RARB: variants seen among roughly 807,000 people sequenced by gnomAD.
The protein encoded by RARB is HBV-activated protein.
A neutral mutation model predicts 51.9 loss-of-function variants in RARB; 17 were observed. The observed-to-expected ratio is 0.33, with a 90% CI of 0.22 to 0.49. RARB has a LOEUF of 0.49. Among genes scored for constraint, RARB ranks in the 20% least tolerant of loss-of-function variants. RARB has a pLI of 0.99. For synonymous variants in RARB, 215 were observed against 195.4 expected, an observed-to-expected ratio of 1.10 and a Z score of -0.84; for missense variants, 369 against 550.8, an observed-to-expected ratio of 0.67 and a Z score of 3.30.
At chr3:24,937,172 A>T (rs1030123509) in intron 2 of RARB, among the ~76,000 whole-genome samples, 4 of 152,188 alleles carry the variant, frequency 2.6e-5, no homozygotes, top group Admixed American at 2.6e-4. Context: ...ATTACATGGA[A>T]ACAAAAATTA....
intron 1 of RARB, among the ~76,000 whole-genome samples, chr3:24,845,721 C>T (rs1048476625): frequency 6.6e-6 from 1 of 151,922 alleles, no homozygotes; most frequent in Admixed American, 6.6e-5. Flanking sequence ...CATTCCCTCC[C>T]CCACTTGAGA....
At chr3:25,025,840 T>A (rs1697736093) in intron 2 of RARB, among the ~76,000 whole-genome samples, 1 of 152,260 alleles carries the variant, frequency 6.6e-6, no homozygotes, top group East Asian at 1.9e-4. Context: ...AAGTGTCAGT[T>A]TGCAAAACGC....
intron 5 of RARB, among the ~76,000 whole-genome samples, chr3:25,339,861 A>G (rs74347859): frequency 0.13 from 19,837 of 152,048 alleles, 1,379 homozygotes; most frequent in South Asian, 0.2. Context: ...ATCATCCTCA[A>G]CAGTTTCCAC....
At chr3:25,357,404 G>A (rs776311744) in intron 5 of RARB, among the ~76,000 whole-genome samples, 3 of 152,134 alleles carry the variant, frequency 2.0e-5, no homozygotes, top group Non-Finnish European at 4.4e-5. Flanking sequence ...GTAGATTCTG[G>A]ATATTAGCCC....
chr3:25,130,369 A>T (rs925424464), intron 3 of RARB, among the ~76,000 whole-genome samples: 1 of 152,078 alleles, frequency 6.6e-6, no homozygotes, highest in South Asian at 2.1e-4. Context: ...TCATTAGAAC[A>T]TATGCTGTGT....
At chr3:24,851,674 A>G (rs1167262960) in intron 1 of RARB, among the ~76,000 whole-genome samples, 1 of 152,208 alleles carries the variant, frequency 6.6e-6, no homozygotes, top group Non-Finnish European at 1.5e-5. Context: ...GATGGTAGAA[A>G]ATGATTTAGT....
intron 4 of RARB, among the ~76,000 whole-genome samples, chr3:25,133,992 A>G (rs1256708642): frequency 1.3e-5 from 2 of 148,580 alleles, no homozygotes; most frequent in Non-Finnish European, 3.0e-5. Context: ...GACATTTGCC[A>G]TGATTTAAAA....
intron 5 of RARB, among the ~76,000 whole-genome samples, chr3:25,326,032 T>G (rs1704707203): frequency 6.6e-6 from 1 of 152,090 alleles, no homozygotes; most frequent in Admixed American, 6.6e-5. Flanking sequence ...ATAAGGAGAT[T>G]TATTGAGGAA....
At chr3:25,019,755 A>C (rs1559435994) in intron 2 of RARB, among the ~76,000 whole-genome samples, 1 of 152,152 alleles carries the variant, frequency 6.6e-6, no homozygotes, top group Non-Finnish European at 1.5e-5. Context: ...CTACTTAGGA[A>C]GATAAACAAC....
chr3:25,353,230 A>C (rs544024309), intron 5 of RARB, among the ~76,000 whole-genome samples: 2 of 152,306 alleles, frequency 1.3e-5, no homozygotes, highest in East Asian at 3.9e-4. Flanking sequence ...AGTTGATGGC[A>C]GGAGGCAAGA....
At chr3:24,853,900 A>G (rs930252514) in intron 1 of RARB, among the ~76,000 whole-genome samples, 10 of 152,234 alleles carry the variant, frequency 6.6e-5, no homozygotes, top group Non-Finnish European at 1.3e-4. Flanking sequence ...GACAGCTGCC[A>G]GAGATGTGGT....
At chr3:25,157,312 G>A (rs1700391494) in intron 4 of RARB, among the ~76,000 whole-genome samples, 1 of 151,270 alleles carries the variant, frequency 6.6e-6, no homozygotes, top group Non-Finnish European at 1.5e-5. Flanking sequence ...AATAATTAGT[G>A]CTTCCTTAGT....
At chr3:25,516,381 T>G (rs1308122052) in intron 3 of RARB, among the ~76,000 whole-genome samples, 1 of 152,216 alleles carries the variant, frequency 6.6e-6, no homozygotes, top group Non-Finnish European at 1.5e-5. Flanking sequence ...TTTATGAACT[T>G]ATGTGGATTC....
At chr3:25,083,815 T>TG (rs1699055409) in intron 3 of RARB, among the ~76,000 whole-genome samples, 1 of 152,156 alleles carries the variant, frequency 6.6e-6, no homozygotes, top group African/African-American at 2.4e-5. Flanking sequence ...ACTTTCAACT[T>TG]GGTTTTAGGC....
At chr3:24,896,718 G>T (rs1223529669) in intron 2 of RARB, among the ~76,000 whole-genome samples, 1 of 152,124 alleles carries the variant, frequency 6.6e-6, no homozygotes, top group African/African-American at 2.4e-5. Context: ...CAAGAATATT[G>T]CACTCCTCTT....
chr3:25,040,366 G>A (rs9847186), intron 2 of RARB, among the ~76,000 whole-genome samples: 62,808 of 151,978 alleles, frequency 0.41, 13,061 homozygotes, highest in South Asian at 0.56. Context: ...TCATAGGAGG[G>A]TGGAATCCAT....
intron 2 of RARB, among the ~76,000 whole-genome samples, chr3:25,018,896 CTCATT>C (rs1285565409): frequency 2.0e-5 from 3 of 152,138 alleles, no homozygotes; most frequent in African/African-American, 7.2e-5. Flanking sequence ...TATTTGAAAA[CTCATT>C]TCAGTCATTT....
chr3:25,150,842 C>T (rs185529108), intron 4 of RARB, among the ~76,000 whole-genome samples: 4 of 152,304 alleles, frequency 2.6e-5, no homozygotes, highest in Admixed American at 1.3e-4. Flanking sequence ...TGTTGGCTCT[C>T]TTTAGGAAAA....
chr3:25,304,502 G>C (rs1326953275), intron 5 of RARB, among the ~76,000 whole-genome samples: 1 of 151,672 alleles, frequency 6.6e-6, no homozygotes, highest in Admixed American at 6.6e-5. Flanking sequence ...CTTTTTCATC[G>C]GCCTTGATCA....
Sources: gnomAD v4.1 joint callset for allele counts (sites outside exome capture counted in the v4.1 genomes callset) on GRCh38, gnomAD v4.1.1 for gene constraint, MANE v1.5 for transcripts, NCBI Gene and HGNC (gene_info 2026-07-23, HGNC 2026-07-21) for gene names.